GALNT13: variants seen among roughly 807,000 people sequenced by gnomAD.
GALNT13 encodes UDP-GalNAc:polypeptide N-acetylgalactosaminyltransferase 13.
GALNT13 carries 28 observed loss-of-function variants against 64.2 expected under a neutral mutation model. The ratio of observed to expected loss-of-function variants is 0.44; its 90% CI spans 0.32 to 0.60. GALNT13 has a LOEUF of 0.60. GALNT13 is among the 20% of genes least tolerant of loss of function. The pLI, the probability that GALNT13 is intolerant of heterozygous loss-of-function variation, is 0.05. For missense variants in GALNT13, 577 were observed against 669.8 expected (o/e 0.86, Z 1.53); for synonymous variants, 214 against 224.6 (o/e 0.95, Z 0.42).
chr2:153,626,404 G>A, the GALNT13 span, among the ~76,000 whole-genome samples: 2 of 152,062 alleles, frequency 1.3e-5, no homozygotes, highest in Non-Finnish European at 2.9e-5. Context: ...TTTTAAAAAT[G>A]CAGGATTTCT....
chr2:153,957,648 G>T (rs1692658416), intron 3 of GALNT13, among the ~76,000 whole-genome samples: 2 of 152,198 alleles, frequency 1.3e-5, no homozygotes, highest in South Asian at 2.1e-4. Context: ...GGGGGCTCTT[G>T]TCTAGGCATC....
At chr2:153,135,025 A>G in the GALNT13 span, among the ~76,000 whole-genome samples, 15 of 152,154 alleles carry the variant, frequency 9.9e-5, no homozygotes, top group African/African-American at 1.4e-4. Context: ...ACAAAATACC[A>G]TAGACTGTGT....
chr2:154,092,894 C>G (rs1279907075), intron 3 of GALNT13, among the ~76,000 whole-genome samples: 3 of 151,932 alleles, frequency 2.0e-5, no homozygotes, highest in Admixed American at 6.6e-5. Context: ...GGATTTCATG[C>G]AGAGAAAAAT....
the GALNT13 span, among the ~76,000 whole-genome samples, chr2:153,184,372 T>C: frequency 1.3e-5 from 2 of 152,174 alleles, no homozygotes; most frequent in Non-Finnish European, 2.9e-5. Context: ...AGCTTTTGGG[T>C]GGGACAATGG....
chr2:154,184,291 G>T (rs1686129291), intron 4 of GALNT13, among the ~76,000 whole-genome samples: 1 of 151,808 alleles, frequency 6.6e-6, no homozygotes, highest in African/African-American at 2.4e-5. Context: ...TTCAACCTTT[G>T]TGTGTACTTA....
chr2:153,364,433 G>C, the GALNT13 span, among the ~76,000 whole-genome samples: 2 of 152,030 alleles, frequency 1.3e-5, no homozygotes, highest in Non-Finnish European at 2.9e-5. Flanking sequence ...TAGAAAAAAA[G>C]GAAGCCAAAT....
At chr2:153,988,320 C>T (rs1342854513) in intron 3 of GALNT13, among the ~76,000 whole-genome samples, 4 of 151,884 alleles carry the variant, frequency 2.6e-5, no homozygotes, top group African/African-American at 9.7e-5. Flanking sequence ...TTCATTCCCT[C>T]TCACCTGCTG....
the GALNT13 span, among the ~76,000 whole-genome samples, chr2:153,387,787 G>A: frequency 1.3e-5 from 2 of 152,084 alleles, 1 homozygote; most frequent in South Asian, 4.1e-4. Flanking sequence ...TTTTTTGGAA[G>A]TGAGATGGTG....
the GALNT13 span, among the ~76,000 whole-genome samples, chr2:153,765,134 T>C: frequency 6.6e-6 from 1 of 152,218 alleles, no homozygotes. Flanking sequence ...AGGGTCCCCA[T>C]TGGTGCACTG....
chr2:153,977,196 C>G (rs59419173), intron 3 of GALNT13, among the ~76,000 whole-genome samples: 8,474 of 152,148 alleles, frequency 0.056, 351 homozygotes, highest in South Asian at 0.13. Flanking sequence ...GTACTACTGA[C>G]TTATTCAAAG....
intron 4 of GALNT13, among the ~76,000 whole-genome samples, chr2:154,164,680 T>C (rs1684924397): frequency 6.6e-6 from 1 of 152,122 alleles, no homozygotes; most frequent in African/African-American, 2.4e-5. Context: ...TGAAAAGTTC[T>C]TTGTAAGGAA....
chr2:154,417,484 C>T lies in GALNT13; in HGVS notation c.1395+8402C>T, dbSNP rs543047992. Among the ~76,000 whole-genome samples the T allele has an allele frequency of 4.9e-5, 3 of 61,578 alleles. No homozygotes were observed. In the South Asian group the frequency reaches 2.0e-3, roughly 41 times the overall value. 40.4% of individuals were successfully genotyped at this position (61,578 alleles called of 152,430 possible). ...TTAAACCCATTTGCCATGACCTTGC[C>T]ATGCTTTTATTTATTTATTTATTTA... On this transcript the variant is annotated intron_variant, in intron 11 of 12. Transcript: ENST00000392825.
intron 3 of GALNT13, among the ~76,000 whole-genome samples, chr2:153,947,333 G>A (rs1021289442): frequency 3.8e-4 from 58 of 151,890 alleles, no homozygotes; most frequent in African/African-American, 1.4e-3. Flanking sequence ...ATGTGACTGT[G>A]TGTGTGTGTG....
chr2:154,079,925 T>C (rs1327369098), intron 3 of GALNT13, among the ~76,000 whole-genome samples: 3 of 151,600 alleles, frequency 2.0e-5, no homozygotes, highest in African/African-American at 4.8e-5. Flanking sequence ...TACATTTTAT[T>C]CTTTTGTTTA....
chr2:153,337,296 A>G, the GALNT13 span, among the ~76,000 whole-genome samples: 6 of 152,208 alleles, frequency 3.9e-5, no homozygotes, highest in Non-Finnish European at 4.4e-5. Flanking sequence ...TAGCAAATCT[A>G]CCATTGCTCA....
At chr2:153,163,159 A>ATT in the GALNT13 span, among the ~76,000 whole-genome samples, 79 of 152,208 alleles carry the variant, frequency 5.2e-4, no homozygotes, top group Non-Finnish European at 1.3e-4. Context: ...TATATTTTCC[A>ATT]TTTCTGGGAA....
chr2:153,115,442 C>G, the GALNT13 span, among the ~76,000 whole-genome samples: 12 of 152,150 alleles, frequency 7.9e-5, 1 homozygote, highest in Non-Finnish European at 4.4e-5. Flanking sequence ...TATGTGAAGA[C>G]CAGTAAAGCT....
the GALNT13 span, among the ~76,000 whole-genome samples, chr2:153,787,519 C>A: frequency 6.6e-6 from 1 of 152,202 alleles, no homozygotes; most frequent in Non-Finnish European, 1.5e-5. Flanking sequence ...AGAACTCCAG[C>A]AACTAATCGG....
the GALNT13 span, among the ~76,000 whole-genome samples, chr2:153,413,186 T>A: frequency 1.3e-5 from 2 of 152,062 alleles, no homozygotes; most frequent in East Asian, 3.9e-4. Flanking sequence ...GAAATATACA[T>A]CCTGACCCTA....
Sources: gnomAD v4.1 joint callset for allele counts (sites outside exome capture counted in the v4.1 genomes callset) on GRCh38, gnomAD v4.1.1 for gene constraint, MANE v1.5 for transcripts, NCBI Gene and HGNC (gene_info 2026-07-23, HGNC 2026-07-21) for gene names.